The following KPNA5 variants were observed in gnomAD, a reference collection of about 807,000 sequenced individuals.
KPNA5 encodes importin subunit alpha-6.
In KPNA5, 46 loss-of-function variants were observed where a neutral mutation model predicts 71.3. That is an observed-to-expected ratio of 0.65 (90% CI 0.51 to 0.83). KPNA5 has a LOEUF of 0.83. Ranked by LOEUF, KPNA5 falls within the 40% of genes least tolerant of loss-of-function variation. The probability of loss-of-function intolerance (pLI) is 0.00; values close to 1 mark genes in which losing one functional copy is unlikely to be tolerated. For missense variants in KPNA5, 547 were observed against 628.3 expected (o/e 0.87, Z 1.38); for synonymous variants, 207 against 201.4 (o/e 1.03, Z -0.24).
At chr6:116,693,707 G>A (rs527966783) in intron 4 of KPNA5, among the ~76,000 whole-genome samples, 5,640 of 152,094 alleles carry the variant, frequency 0.037, 285 homozygotes, top group African/African-American at 0.11. Context: ...TCTGATGGTC[G>A]TTTCTTTTGC....
intron 4 of KPNA5, among the ~76,000 whole-genome samples, chr6:116,696,648 C>T (rs979786921): frequency 2.0e-5 from 3 of 152,074 alleles, no homozygotes; most frequent in African/African-American, 4.8e-5. Flanking sequence ...AGAAAGTTCT[C>T]CAAAGCTTTT....
At chr6:116,693,063 A>T (rs1315820130) in intron 4 of KPNA5, among the ~76,000 whole-genome samples, 1 of 152,080 alleles carries the variant, frequency 6.6e-6, no homozygotes, top group African/African-American at 2.4e-5. Flanking sequence ...AAGGACATGA[A>T]CTCATCCTTT....
intron 1 of KPNA5, among the ~76,000 whole-genome samples, chr6:116,688,732 T>C (rs993082507): frequency 5.3e-5 from 8 of 152,168 alleles, no homozygotes; most frequent in African/African-American, 1.9e-4. Flanking sequence ...TCAAAAGAAC[T>C]AATTATACTG....
rs189755081 is a variant in KPNA5, at chr6:116,716,210, T to C, written c.657-9T>C. The C allele has an allele frequency of 1.1e-4, 183 of 1,599,842 alleles. No homozygotes were observed. The Admixed American group carries it at 3.1e-3, about 27-fold the overall frequency. On this transcript the variant is annotated splice_polypyrimidine_tract_variant and intron_variant, in intron 7 of 13. Transcript: ENST00000368564. ...AGGTGATAATTCTTTTTTTTCTTTT[T>C]CTTGGCAGGTTATTAACAAATTCAA...
Position 116,733,342 on chromosome 6 carries a change from G to A in KPNA5, c.*1019G>A, listed in dbSNP as rs1779561322. 1 of 151,626 alleles carries A rather than the reference G, an allele frequency of 6.6e-6. No individual in the cohort carries two copies. The highest frequency in any genetic ancestry group is 6.6e-5 in the Admixed American group (1 of 15,180). 9.4% of individuals were successfully genotyped at this position (151,626 alleles called of 1,614,324 possible). A position where few individuals can be genotyped will look rare whatever the true frequency, so the allele number is the denominator to read the frequency against. ...CCCTGAAGAAATAACCTTATTATGTGTTAAATTGTATTAAATGCATTTAAC... is the reference window on the plus strand; with the variant it reads ...CCCTGAAGAAATAACCTTATTATGTATTAAATTGTATTAAATGCATTTAAC... On this transcript the variant is annotated 3_prime_UTR_variant, in exon 14 of 14. Coordinates refer to ENST00000368564, the MANE Select transcript of KPNA5 (RefSeq NM_001366306.2).
At chr6:116,729,062 G>C (rs1035071905) in intron 12 of KPNA5, among the ~76,000 whole-genome samples, 1 of 151,628 alleles carries the variant, frequency 6.6e-6, no homozygotes, top group Non-Finnish European at 1.5e-5. Context: ...ATATGTTTCA[G>C]AACATTAGCT....
chr6:116,716,819 T>A (rs1338516775), intron 8 of KPNA5, among the ~76,000 whole-genome samples: 1 of 152,196 alleles, frequency 6.6e-6, no homozygotes, highest in Admixed American at 6.5e-5. Context: ...CCATTGTACT[T>A]CTTTTGAATT....
chr6:116,740,967 A>C lies in KPNA5; in HGVS notation c.*8644A>C, dbSNP rs1326872153. 1 of 152,132 alleles carries C rather than the reference A, an allele frequency of 6.6e-6. No individual in the cohort carries two copies. Among genetic ancestry groups the C allele is most frequent in the Non-Finnish European group, 1.5e-5 (1 of 68,036 alleles). The allele number at this position is 152,132 out of a possible 1,614,324, so 9.4% of individuals were successfully genotyped here. A position where few individuals can be genotyped will look rare whatever the true frequency, so the allele number is the denominator to read the frequency against. On this transcript the variant is annotated 3_prime_UTR_variant, in exon 14 of 14. Coordinates refer to ENST00000368564, the MANE Select transcript of KPNA5 (RefSeq NM_001366306.2). ...TATGTAACTAACCTGCACATTGTGC[A>C]CATGTACCCTGAAACTTAAAGTATA...
intron 12 of KPNA5, among the ~76,000 whole-genome samples, chr6:116,727,051 A>G (rs1457643388): frequency 6.6e-6 from 1 of 152,096 alleles, no homozygotes; most frequent in Non-Finnish European, 1.5e-5. Context: ...AGCCTTGCCT[A>G]TGGATAGTAT....
rs770609599 is a variant in KPNA5 at position 116,722,267 on chromosome 6, C to T, written c.898C>T (p.Arg300Ter). ...IQAVIDSGVC[R>*]RLVELLMHND... ...AGCAGTCATTGATTCTGGAGTCTGT[C>T]GAAGATTGGTGGAACTTTTGATGTA... Residue 300 changes from arginine to a stop codon, truncating the protein, a stop_gained, in exon 9 of 14, where the codon CGA (arginine) becomes TGA (stop). Transcript: ENST00000368564. LOFTEE classifies it high-confidence loss of function. 5 of 1,607,834 alleles carry T rather than the reference C, an allele frequency of 3.1e-6. No individual in the cohort carries two copies. Among genetic ancestry groups the T allele is most frequent in the South Asian group, 1.1e-5 (1 of 89,336 alleles).
chr6:116,717,607 GAGC>G lies in KPNA5; in HGVS notation c.756+1292_756+1294del, dbSNP rs1300222853. On this transcript the variant is annotated intron_variant, in intron 8 of 13. Coordinates refer to ENST00000368564, the MANE Select transcript of KPNA5 (RefSeq NM_001366306.2). Reference sequence around the variant, plus strand: ...GAAAAAGAGACCAAGGCAAGTTTCAGAGCAGGAGTGGAAGTTTATTTAAAAGGC... The same window carrying G: ...GAAAAAGAGACCAAGGCAAGTTTCAGAGGAGTGGAAGTTTATTTAAAAGGC... Among the ~76,000 whole-genome samples, 8 of 152,294 alleles carry G rather than the reference GAGC, an allele frequency of 5.3e-5. No homozygotes were observed. The South Asian group carries it at 1.7e-3, about 32-fold the overall frequency.
chr6:116,710,233 A>C (rs138526918), intron 7 of KPNA5, among the ~76,000 whole-genome samples: 5 of 152,238 alleles, frequency 3.3e-5, no homozygotes, highest in African/African-American at 1.2e-4. Flanking sequence ...GTCATAGTAT[A>C]AGCTGCTAGA....
At chr6:116,728,087 CTG>C (rs773827006) in intron 12 of KPNA5, among the ~76,000 whole-genome samples, 65 of 152,202 alleles carry the variant, frequency 4.3e-4, no homozygotes, top group Non-Finnish European at 8.5e-4. Context: ...TTGCTAGCAT[CTG>C]TCTCTGCCTT....
At chr6:116,709,064 A>G (rs1331994893) in intron 7 of KPNA5, among the ~76,000 whole-genome samples, 1 of 152,038 alleles carries the variant, frequency 6.6e-6, no homozygotes, top group East Asian at 1.9e-4. Context: ...TGGGATTACA[A>G]GTGTGAGCCA....
In KPNA5 at chr6:116,741,204, C is replaced by A. The variant is rs1312470738; in HGVS notation, c.*8881C>A. On this transcript the variant is annotated 3_prime_UTR_variant, in exon 14 of 14. Transcript: ENST00000368564. ...CTTTTACATACTAGTCTGCTTAATT[C>A]ATCAGTTTCTAACTCGCCAGTTTCT... 1 of 152,024 alleles carries A rather than the reference C, an allele frequency of 6.6e-6. No individual in the cohort carries two copies. Among genetic ancestry groups the A allele is most frequent in the Non-Finnish European group, 1.5e-5 (1 of 68,014 alleles). The allele number at this position is 152,024 out of a possible 1,614,324, so 9.4% of individuals were successfully genotyped here.
intron 1 of KPNA5, among the ~76,000 whole-genome samples, chr6:116,686,615 A>G (rs1777599978): frequency 6.6e-6 from 1 of 152,148 alleles, no homozygotes; most frequent in Non-Finnish European, 1.5e-5. Context: ...GAAATCTCTG[A>G]CTATTCCTGT....
At chr6:116,687,631 A>G (rs868140298) in intron 1 of KPNA5, among the ~76,000 whole-genome samples, 21 of 152,220 alleles carry the variant, frequency 1.4e-4, no homozygotes, top group African/African-American at 5.1e-4. Flanking sequence ...CTGATCCTCC[A>G]TCCGTATTCT....
chr6:116,708,068 T>C (rs1445376759), intron 7 of KPNA5, among the ~76,000 whole-genome samples: 2 of 152,252 alleles, frequency 1.3e-5, no homozygotes, highest in South Asian at 2.1e-4. Flanking sequence ...ATCCATATTA[T>C]AGTGAATGTA....
At chr6:116,732,042 A>C (rs1779501402) in intron 13 of KPNA5, 94 bp from the exon 14 acceptor site, 1 of 239,390 alleles carries the variant, frequency 4.2e-6, no homozygotes, top group Non-Finnish European at 7.7e-6. Context: ...ATTTTGATTT[A>C]AACATATACT....
Sources: allele counts gnomAD v4.1 joint callset (sites outside exome capture counted in the v4.1 genomes callset), GRCh38; gene constraint gnomAD v4.1.1; transcripts MANE v1.5; gene names NCBI Gene and HGNC (gene_info 2026-07-23, HGNC 2026-07-21).